The following AKAP19 variants were observed in gnomAD, a reference collection of about 807,000 sequenced individuals.
The protein encoded by AKAP19 is small A-kinase anchoring protein.
chr2:190,109,730 A>T, the AKAP19 span, among the ~76,000 whole-genome samples: 110 of 152,238 alleles, frequency 7.2e-4, no homozygotes, highest in African/African-American at 2.3e-3. Context: ...AAAGTCCTTA[A>T]AATAGTACTG....
At chr2:190,105,812 C>T in the AKAP19 span, among the ~76,000 whole-genome samples, 1 of 152,200 alleles carries the variant, frequency 6.6e-6, no homozygotes, top group Non-Finnish European at 1.5e-5. Context: ...TAGCACTGAT[C>T]ACACTGTATT....
the AKAP19 span, among the ~76,000 whole-genome samples, chr2:190,045,150 C>G: frequency 6.6e-6 from 1 of 151,924 alleles, no homozygotes; most frequent in South Asian, 2.1e-4. Context: ...AGGACACTGG[C>G]AGGGGTGGCT....
chr2:190,104,917 C>A, the AKAP19 span, among the ~76,000 whole-genome samples: 3 of 152,076 alleles, frequency 2.0e-5, no homozygotes, highest in Non-Finnish European at 4.4e-5. Flanking sequence ...CAGAGAAATG[C>A]AAATCAAAAC....
At chr2:189,955,266 G>A in the AKAP19 span, among the ~76,000 whole-genome samples, 4 of 152,014 alleles carry the variant, frequency 2.6e-5, no homozygotes, top group Non-Finnish European at 4.4e-5. Flanking sequence ...TGTAAAAGAC[G>A]TTCTTTCTTT....
At chr2:190,134,286 A>G in the AKAP19 span, among the ~76,000 whole-genome samples, 3 of 152,160 alleles carry the variant, frequency 2.0e-5, no homozygotes, top group Non-Finnish European at 4.4e-5. Flanking sequence ...CTAGAAATTG[A>G]TGTTACTCCT....
chr2:190,109,813 C>T, the AKAP19 span, among the ~76,000 whole-genome samples: 102 of 152,218 alleles, frequency 6.7e-4, no homozygotes, highest in South Asian at 1.5e-3. Context: ...AAACAGGGCT[C>T]ACATAACAAA....
the AKAP19 span, among the ~76,000 whole-genome samples, chr2:190,129,214 A>G: frequency 6.6e-6 from 1 of 152,168 alleles, no homozygotes; most frequent in East Asian, 1.9e-4. Flanking sequence ...TTCCTTATTT[A>G]TGGATGTCTG....
At chr2:190,103,422 T>C in the AKAP19 span, among the ~76,000 whole-genome samples, 13 of 152,350 alleles carry the variant, frequency 8.5e-5, no homozygotes, top group Middle Eastern at 0.01. Flanking sequence ...GACCATATGA[T>C]TCTATACTTA....
the AKAP19 span, among the ~76,000 whole-genome samples, chr2:190,005,727 A>G: frequency 3.3e-5 from 5 of 152,146 alleles, no homozygotes; most frequent in African/African-American, 4.8e-5. Context: ...AGTGTCCTTT[A>G]TTCTCAAAAG....
At chr2:189,981,456 A>T in the AKAP19 span, among the ~76,000 whole-genome samples, 1 of 152,148 alleles carries the variant, frequency 6.6e-6, no homozygotes, top group Non-Finnish European at 1.5e-5. Flanking sequence ...ATTTTAATCC[A>T]ATTAAGTACT....
chr2:189,950,981 G>A, the AKAP19 span, among the ~76,000 whole-genome samples: 1 of 152,042 alleles, frequency 6.6e-6, no homozygotes, highest in African/African-American at 2.4e-5. Flanking sequence ...GGAGGGTTGG[G>A]GTGGGGGTAG....
At chr2:189,893,511 G>T in the AKAP19 span, among the ~76,000 whole-genome samples, 1 of 152,208 alleles carries the variant, frequency 6.6e-6, no homozygotes, top group African/African-American at 2.4e-5. Context: ...GTGAGGCGAT[G>T]CCCTACTCTG....
chr2:189,883,507 G>GTT, the AKAP19 span, among the ~76,000 whole-genome samples: 7,494 of 123,700 alleles, frequency 0.061, 302 homozygotes, highest in East Asian at 0.19. Context: ...GTTTCTTCCT[G>GTT]TTTTTTTTTT....
chr2:189,924,225 T>A, the AKAP19 span: 2 of 1,517,430 alleles, frequency 1.3e-6, no homozygotes, highest in Non-Finnish European at 1.8e-6. Flanking sequence ...AAGCACATAG[T>A]GGGGTTTAGA....
the AKAP19 span, among the ~76,000 whole-genome samples, chr2:189,928,671 C>T: frequency 1.3e-3 from 204 of 152,034 alleles, 1 homozygote; most frequent in African/African-American, 4.4e-3. Flanking sequence ...GAAATTTAAC[C>T]AACATATGGA....
chr2:189,973,187 C>A, the AKAP19 span, among the ~76,000 whole-genome samples: 2 of 152,258 alleles, frequency 1.3e-5, no homozygotes, highest in South Asian at 4.1e-4. Context: ...GAGTTTTTAG[C>A]ATAAAGGGCT....
the AKAP19 span, among the ~76,000 whole-genome samples, chr2:189,905,738 T>C: frequency 6.6e-6 from 1 of 152,182 alleles, no homozygotes; most frequent in African/African-American, 2.4e-5. Flanking sequence ...AAAAGAAAGC[T>C]TGGGAATTTC....
chr2:189,987,455 A>C, the AKAP19 span, among the ~76,000 whole-genome samples: 1 of 152,354 alleles, frequency 6.6e-6, no homozygotes. Flanking sequence ...ATGGGTCTAT[A>C]AGTAAGATCT....
chr2:190,131,196 T>C, the AKAP19 span, among the ~76,000 whole-genome samples: 1 of 152,140 alleles, frequency 6.6e-6, no homozygotes, highest in South Asian at 2.1e-4. Flanking sequence ...GAAGCATCTT[T>C]TGTTCTAATG....
Sources: gnomAD v4.1 joint callset for allele counts (sites outside exome capture counted in the v4.1 genomes callset) on GRCh38, gnomAD v4.1.1 for gene constraint, MANE v1.5 for transcripts, NCBI Gene and HGNC (gene_info 2026-07-23, HGNC 2026-07-21) for gene names.